The following ADAMTSL3 variants were observed in gnomAD, a reference collection of about 807,000 sequenced individuals.
ADAMTSL3 encodes ADAMTS-like protein 3.
ADAMTSL3 carries 128 observed loss-of-function variants against 201.7 expected under a neutral mutation model. The observed-to-expected ratio is 0.63, with a 90% CI of 0.55 to 0.73. The LOEUF (loss-of-function observed/expected upper bound fraction) is 0.73, where lower values mean the gene tolerates loss of function less well. ADAMTSL3 is among the 30% of genes least tolerant of loss of function. ADAMTSL3 has a pLI of 0.00. For missense variants in ADAMTSL3, 1,990 were observed against 2,119.6 expected (o/e 0.94, Z 1.20); for synonymous variants, 738 against 748.4 (o/e 0.99, Z 0.23).
rs796818979 is a variant in ADAMTSL3 at position 83,801,663 on chromosome 15, T to A, written c.318-2987T>A. ...ATATATAAATATAAATATATATATA[T>A]ATATATATATATATATATATATATA... On this transcript the variant is annotated intron_variant, in intron 4 of 29. Transcript: ENST00000286744. 6.8e-3 allele frequency among the ~76,000 whole-genome samples: 295 copies of A among 43,508 alleles called. 12 individuals carry two copies. The highest frequency in any genetic ancestry group is 0.023 in the African/African-American group (266 of 11,466). The allele number at this position is 43,508 out of a possible 152,430, so 28.5% of individuals were successfully genotyped here.
Position 83,835,071 on chromosome 15 carries a change from G to A in ADAMTSL3, c.601-3018G>A, listed in dbSNP as rs926775722. On this transcript the variant is annotated intron_variant, in intron 6 of 29. Coordinates refer to ENST00000286744, the MANE Select transcript of ADAMTSL3 (RefSeq NM_207517.3). ...AACACAGTGAAACCCTGTCTCTACT[G>A]AAAATACAAAAAATTAGCCGGGCAT... Among the ~76,000 whole-genome samples the A allele has an allele frequency of 5.3e-5, 8 of 151,862 alleles. No homozygotes were observed. In the East Asian group the frequency reaches 1.2e-3, roughly 22 times the overall value.
chr15:83,760,988 A>G (rs1178203315), intron 3 of ADAMTSL3, among the ~76,000 whole-genome samples: 1 of 152,028 alleles, frequency 6.6e-6, no homozygotes, highest in African/African-American at 2.4e-5. Context: ...TAAATCTTCC[A>G]TTTTACTCTG....
At chr15:83,758,370 C>T (rs370468632) in intron 3 of ADAMTSL3, among the ~76,000 whole-genome samples, 6 of 152,244 alleles carry the variant, frequency 3.9e-5, no homozygotes, top group East Asian at 3.9e-4. Flanking sequence ...ATAAAACTGT[C>T]GGATGTTGTG....
chr15:83,686,900 A>G (rs1039337147), intron 2 of ADAMTSL3, among the ~76,000 whole-genome samples: 14 of 152,164 alleles, frequency 9.2e-5, no homozygotes, highest in Non-Finnish European at 2.1e-4. Flanking sequence ...TATTAAAATA[A>G]GCTAAAAGGG....
chr15:83,984,314 T>C (rs1397980665), intron 21 of ADAMTSL3, among the ~76,000 whole-genome samples: 1 of 152,244 alleles, frequency 6.6e-6, no homozygotes, highest in African/African-American at 2.4e-5. Context: ...TTTACTTTTA[T>C]CATGTCCTTT....
chr15:83,826,383 A>G (rs1227408200), intron 6 of ADAMTSL3, among the ~76,000 whole-genome samples: 1 of 150,994 alleles, frequency 6.6e-6, no homozygotes, highest in Non-Finnish European at 1.5e-5. Flanking sequence ...TTGGCCCCTC[A>G]CAACACTGGG....
At chr15:83,690,620 T>C (rs946513741) in intron 2 of ADAMTSL3, among the ~76,000 whole-genome samples, 2 of 152,194 alleles carry the variant, frequency 1.3e-5, no homozygotes, top group African/African-American at 4.8e-5. Flanking sequence ...TTCCCTGTCT[T>C]GGATAGTCCT....
At chr15:83,895,575 C>T (rs969024469) in intron 13 of ADAMTSL3, among the ~76,000 whole-genome samples, 1 of 152,152 alleles carries the variant, frequency 6.6e-6, no homozygotes, top group Non-Finnish European at 1.5e-5. Context: ...AGGACATATG[C>T]AGCTCCACAG....
At chr15:83,907,259 TAGC>T (rs2065855987) in intron 15 of ADAMTSL3, among the ~76,000 whole-genome samples, 1 of 152,232 alleles carries the variant, frequency 6.6e-6, no homozygotes, top group Non-Finnish European at 1.5e-5. Context: ...TTTTCTATAA[TAGC>T]AGGAGATTTG....
chr15:83,847,281 C>A (rs1432234025), intron 7 of ADAMTSL3, among the ~76,000 whole-genome samples: 1 of 152,182 alleles, frequency 6.6e-6, no homozygotes, highest in African/African-American at 2.4e-5. Flanking sequence ...TGCTTACTGG[C>A]ATACTGCATT....
intron 9 of ADAMTSL3, among the ~76,000 whole-genome samples, chr15:83,874,786 G>A (rs2065148034): frequency 1.4e-5 from 2 of 144,258 alleles, no homozygotes; most frequent in South Asian, 4.3e-4. Context: ...CAGCAATTAG[G>A]GCCCATCTGA....
At chr15:83,915,926 G>A (rs552229886) in intron 16 of ADAMTSL3, among the ~76,000 whole-genome samples, 3 of 152,132 alleles carry the variant, frequency 2.0e-5, no homozygotes, top group Non-Finnish European at 4.4e-5. Context: ...CATGTTTAGG[G>A]TATTGAGAAT....
At chr15:84,015,035 T>C (rs1247068476) in intron 24 of ADAMTSL3, among the ~76,000 whole-genome samples, 1 of 152,042 alleles carries the variant, frequency 6.6e-6, no homozygotes, top group Non-Finnish European at 1.5e-5. Flanking sequence ...AACCTCTGCC[T>C]CCTGGGTTCA....
chr15:83,852,724 T>A (rs2064644735), intron 7 of ADAMTSL3, among the ~76,000 whole-genome samples: 1 of 152,232 alleles, frequency 6.6e-6, no homozygotes, highest in African/African-American at 2.4e-5. Flanking sequence ...CCTATAATTA[T>A]AATTTTTCCT....
At chr15:83,696,805 G>A (rs1343347284) in intron 2 of ADAMTSL3, among the ~76,000 whole-genome samples, 1 of 152,198 alleles carries the variant, frequency 6.6e-6, no homozygotes, top group African/African-American at 2.4e-5. Flanking sequence ...CTGACGTGAA[G>A]CAGGGGGAGA....
chr15:83,681,569 T>C (rs2061476153), intron 2 of ADAMTSL3, among the ~76,000 whole-genome samples: 1 of 152,236 alleles, frequency 6.6e-6, no homozygotes, highest in Admixed American at 6.5e-5. Flanking sequence ...TTTGCCAGCC[T>C]AGACATATCA....
In ADAMTSL3 at chr15:84,037,870, ATG is replaced by A. The variant is rs756709333; in HGVS notation, c.*66_*67del. The A allele has an allele frequency of 9.1e-6, 14 of 1,537,866 alleles. No individual in the cohort carries two copies. The highest frequency in any genetic ancestry group is 1.1e-5 in the Non-Finnish European group (13 of 1,148,310). ...GTAGAATATAAAAGCTCTTTTCCCC[ATG>A]TCGCTGATTCAAAAACATGTATTTC... On this transcript the variant is annotated 3_prime_UTR_variant, in exon 30 of 30. Coordinates refer to ENST00000286744, the MANE Select transcript of ADAMTSL3 (RefSeq NM_207517.3).
At chr15:83,750,430 T>A (rs1161835955) in intron 3 of ADAMTSL3, among the ~76,000 whole-genome samples, 1 of 152,246 alleles carries the variant, frequency 6.6e-6, no homozygotes, top group Non-Finnish European at 1.5e-5. Flanking sequence ...TAGCTTGGTG[T>A]CATGCCCATA....
At chr15:83,834,640 G>A (rs1317087199) in intron 6 of ADAMTSL3, among the ~76,000 whole-genome samples, 3 of 152,156 alleles carry the variant, frequency 2.0e-5, no homozygotes, top group Admixed American at 6.5e-5. Flanking sequence ...TTTAGCTGAA[G>A]TGATGATTTA....
Sources: gnomAD v4.1 joint callset for allele counts (sites outside exome capture counted in the v4.1 genomes callset) on GRCh38, gnomAD v4.1.1 for gene constraint, MANE v1.5 for transcripts, NCBI Gene and HGNC (gene_info 2026-07-23, HGNC 2026-07-21) for gene names.